Variants in CDKAL1 observed in about 807,000 individuals in gnomAD.
CDKAL1 encodes the protein threonylcarbamoyladenosine tRNA methylthiotransferase.
CDKAL1 carries 32 observed loss-of-function variants against 68.2 expected under a neutral mutation model. The ratio of observed to expected loss-of-function variants is 0.47; its 90% CI spans 0.35 to 0.63. The LOEUF (loss-of-function observed/expected upper bound fraction) is 0.63, where lower values mean the gene tolerates loss of function less well. CDKAL1 is among the 30% of genes least tolerant of loss of function. CDKAL1 has a pLI of 0.00. For synonymous variants in CDKAL1, 234 were observed against 244.3 expected, an observed-to-expected ratio of 0.96 and a Z score of 0.39; for missense variants, 606 against 696.7, an observed-to-expected ratio of 0.87 and a Z score of 1.47.
intron 5 of CDKAL1, among the ~76,000 whole-genome samples, chr6:20,715,455 T>A (rs905671331): frequency 4.6e-5 from 7 of 152,234 alleles, no homozygotes; most frequent in Non-Finnish European, 8.8e-5. Context: ...CATTTGTCTG[T>A]CCATAGACAC....
intron 9 of CDKAL1, among the ~76,000 whole-genome samples, chr6:20,887,283 A>G (rs914460084): frequency 6.6e-6 from 1 of 152,220 alleles, no homozygotes; most frequent in Non-Finnish European, 1.5e-5. Context: ...ATTGAAGTCA[A>G]CATGCACTTA....
At chr6:20,671,409 C>T (rs542170816) in intron 5 of CDKAL1, among the ~76,000 whole-genome samples, 4 of 152,204 alleles carry the variant, frequency 2.6e-5, no homozygotes, top group Admixed American at 2.6e-4. Context: ...GGCATATTCT[C>T]CCCTTTTGTC....
At chr6:20,799,937 A>C (rs1281803208) in intron 8 of CDKAL1, 1 of 152,230 alleles carries the variant, frequency 6.6e-6, no homozygotes, top group African/African-American at 2.4e-5. Context: ...ACCCTTTTGC[A>C]TGTTAGTAGA....
At chr6:20,832,525 G>A (rs1301711546) in intron 8 of CDKAL1, among the ~76,000 whole-genome samples, 2 of 151,774 alleles carry the variant, frequency 1.3e-5, no homozygotes, top group Non-Finnish European at 2.9e-5. Flanking sequence ...GTTTGGTGGT[G>A]CAAGCCTGTA....
chr6:20,570,144 G>T (rs943912615), intron 4 of CDKAL1, among the ~76,000 whole-genome samples: 7 of 151,754 alleles, frequency 4.6e-5, no homozygotes, highest in Admixed American at 2.6e-4. Flanking sequence ...AGTCTCTGTC[G>T]CCAGGGTGGA....
intron 13 of CDKAL1, among the ~76,000 whole-genome samples, chr6:21,194,597 G>C (rs1778392438): frequency 6.6e-6 from 1 of 152,200 alleles, no homozygotes; most frequent in Non-Finnish European, 1.5e-5. Flanking sequence ...GGCACTGTTT[G>C]GATATGGCAA....
At chr6:20,595,925 G>C (rs1427319054) in intron 4 of CDKAL1, among the ~76,000 whole-genome samples, 1 of 152,144 alleles carries the variant, frequency 6.6e-6, no homozygotes, top group African/African-American at 2.4e-5. Flanking sequence ...CTAACAGTCA[G>C]GACCCTCTGC....
chr6:20,737,186 A>G (rs965301091), intron 5 of CDKAL1, among the ~76,000 whole-genome samples: 54 of 152,288 alleles, frequency 3.5e-4, no homozygotes, highest in African/African-American at 1.3e-3. Flanking sequence ...TGTCTTGCCA[A>G]TAAAAATCCT....
chr6:20,773,615 T>G (rs559272563), intron 7 of CDKAL1, among the ~76,000 whole-genome samples: 1 of 152,258 alleles, frequency 6.6e-6, no homozygotes, highest in Non-Finnish European at 1.5e-5. Flanking sequence ...TGGCGCGATC[T>G]CGGCTCACTG....
chr6:20,949,368 C>T (rs1169497520), intron 9 of CDKAL1, among the ~76,000 whole-genome samples: 2 of 152,202 alleles, frequency 1.3e-5, no homozygotes, highest in Non-Finnish European at 2.9e-5. Context: ...TTGGTATTTC[C>T]TCATTGCCTA....
intron 10 of CDKAL1, among the ~76,000 whole-genome samples, chr6:20,989,000 G>A (rs1345785901): frequency 6.6e-6 from 1 of 151,706 alleles, no homozygotes; most frequent in Non-Finnish European, 1.5e-5. Context: ...AGTAGCGCGT[G>A]TCATTTCTGC....
At chr6:20,641,984 A>C (rs765472514) in intron 4 of CDKAL1, among the ~76,000 whole-genome samples, 1 of 152,122 alleles carries the variant, frequency 6.6e-6, no homozygotes, top group African/African-American at 2.4e-5. Flanking sequence ...GCAGAGGGAG[A>C]GGTTGCCAGT....
chr6:20,946,893 G>A (rs1764265105), intron 9 of CDKAL1, among the ~76,000 whole-genome samples: 1 of 152,094 alleles, frequency 6.6e-6, no homozygotes, highest in African/African-American at 2.4e-5. Flanking sequence ...CACTGCAACT[G>A]ACCTCATCAT....
At chr6:21,054,049 C>T (rs1770693304) in intron 11 of CDKAL1, among the ~76,000 whole-genome samples, 1 of 152,050 alleles carries the variant, frequency 6.6e-6, no homozygotes, top group Admixed American at 6.6e-5. Flanking sequence ...ACAAAGATTT[C>T]CTCCCATATT....
intron 8 of CDKAL1, among the ~76,000 whole-genome samples, chr6:20,803,344 C>T (rs986907794): frequency 6.6e-6 from 1 of 152,148 alleles, no homozygotes; most frequent in African/African-American, 2.4e-5. Context: ...TGTTAATGCC[C>T]TTGTGTATGC....
At chr6:21,059,259 G>C (rs931569480) in intron 11 of CDKAL1, among the ~76,000 whole-genome samples, 3 of 152,218 alleles carry the variant, frequency 2.0e-5, no homozygotes, top group African/African-American at 4.8e-5. Flanking sequence ...AGTCTTCCTA[G>C]CACCAGCAGG....
chr6:20,822,051 A>G (rs1460190756), intron 8 of CDKAL1, among the ~76,000 whole-genome samples: 1 of 152,188 alleles, frequency 6.6e-6, no homozygotes, highest in Non-Finnish European at 1.5e-5. Flanking sequence ...GTGTATGGCT[A>G]CTTTTGCTCT....
intron 5 of CDKAL1, among the ~76,000 whole-genome samples, chr6:20,696,985 C>T (rs1246546682): frequency 6.6e-6 from 1 of 152,176 alleles, no homozygotes; most frequent in Non-Finnish European, 1.5e-5. Context: ...ACATACTTCA[C>T]TACTGAGTGA....
chr6:21,190,513 A>G (rs13191845), intron 13 of CDKAL1, among the ~76,000 whole-genome samples: 2 of 152,080 alleles, frequency 1.3e-5, no homozygotes, highest in Non-Finnish European at 2.9e-5. Context: ...GATTACAGGC[A>G]TCTGCCACCG....
Sources: allele counts gnomAD v4.1 joint callset (sites outside exome capture counted in the v4.1 genomes callset), GRCh38; gene constraint gnomAD v4.1.1; transcripts MANE v1.5; gene names NCBI Gene and HGNC (gene_info 2026-07-23, HGNC 2026-07-21).